Variants in IGFL2 observed in about 807,000 individuals in gnomAD.
The protein encoded by IGFL2 is insulin growth factor-like family member 2.
A neutral mutation model predicts 13.9 loss-of-function variants in IGFL2; 7 were observed. The observed-to-expected ratio is 0.51, with a 90% confidence interval of 0.29 to 0.95. The LOEUF is 0.95. Ranked by LOEUF, IGFL2 falls within the 40% of genes least tolerant of loss-of-function variation. The pLI is 0.08. For synonymous variants in IGFL2, 55 were observed against 55.8 expected, an observed-to-expected ratio of 0.99 and a Z score of 0.07; for missense variants, 138 against 147.8, an observed-to-expected ratio of 0.93 and a Z score of 0.34.
At chr19:46,100,481 A>G in the IGFL2 span, among the ~76,000 whole-genome samples, 1 of 152,210 alleles carries the variant, frequency 6.6e-6, no homozygotes, top group Non-Finnish European at 1.5e-5. Flanking sequence ...TTTACATACA[A>G]GGACATAAAA....
the IGFL2 span, chr19:46,204,976 G>A: frequency 1.3e-5 from 2 of 150,016 alleles, no homozygotes; most frequent in Non-Finnish European, 3.0e-5. Flanking sequence ...TAGTATAGAC[G>A]GGATTTTGCC....
the IGFL2 span, among the ~76,000 whole-genome samples, chr19:46,132,215 C>T: frequency 6.6e-6 from 1 of 152,128 alleles, no homozygotes. Context: ...TTTGGGTTCT[C>T]TTTTTCTGAG....
chr19:46,212,866 T>C, the IGFL2 span: 1 of 152,146 alleles, frequency 6.6e-6, no homozygotes, highest in South Asian at 2.1e-4. Flanking sequence ...TAAATGACCA[T>C]TAATGAAACA....
At chr19:46,188,986 C>A in the IGFL2 span, among the ~76,000 whole-genome samples, 2 of 151,922 alleles carry the variant, frequency 1.3e-5, no homozygotes, top group Admixed American at 1.3e-4. Flanking sequence ...TCCCCATGTG[C>A]GGAGACGAGA....
chr19:46,137,801 G>T, the IGFL2 span, among the ~76,000 whole-genome samples: 1 of 152,176 alleles, frequency 6.6e-6, no homozygotes, highest in East Asian at 1.9e-4. Flanking sequence ...CCTCAGCTTG[G>T]TCTATTCTGT....
the IGFL2 span, among the ~76,000 whole-genome samples, chr19:46,087,767 G>T: frequency 6.6e-6 from 1 of 152,230 alleles, no homozygotes; most frequent in Non-Finnish European, 1.5e-5. Context: ...GGAAAGGGTT[G>T]CTGTCATCAG....
upstream of IGFL2, among the ~76,000 whole-genome samples, chr19:46,141,553 C>A (rs2146804244): frequency 6.6e-6 from 1 of 152,278 alleles, no homozygotes; most frequent in African/African-American, 2.4e-5. Context: ...CCCTCTAGCA[C>A]CTTCTCCACC....
the IGFL2 span, among the ~76,000 whole-genome samples, chr19:46,177,583 A>T: frequency 4.6e-5 from 7 of 152,152 alleles, no homozygotes; most frequent in Admixed American, 1.3e-4. Flanking sequence ...ACTCTTGGGG[A>T]CATGGTCCAA....
At chr19:46,148,544 G>A (rs907181124) in intron 1 of IGFL2, among the ~76,000 whole-genome samples, 5 of 152,126 alleles carry the variant, frequency 3.3e-5, no homozygotes, top group Non-Finnish European at 5.9e-5. Flanking sequence ...TGCACACAGA[G>A]TCAGTCCCAA....
the IGFL2 span, among the ~76,000 whole-genome samples, chr19:46,096,196 T>G: frequency 2.0e-5 from 3 of 152,206 alleles, no homozygotes; most frequent in Non-Finnish European, 4.4e-5. Flanking sequence ...CTGATTTCCT[T>G]GAGCAGTGGT....
the IGFL2 span, among the ~76,000 whole-genome samples, chr19:46,081,985 C>G: frequency 5.3e-5 from 8 of 152,226 alleles, no homozygotes; most frequent in Non-Finnish European, 1.2e-4. Context: ...TTTCAGTTAA[C>G]ACCATCATGG....
At chr19:46,200,476 T>TTTCTTTTCTTTTCTC in the IGFL2 span, among the ~76,000 whole-genome samples, 1 of 135,578 alleles carries the variant, frequency 7.4e-6, no homozygotes, top group Non-Finnish European at 1.6e-5. Flanking sequence ...ACCTGGCCCT[T>TTTCTTTTCTTTTCTC]TTCTTTTCTT....
chr19:46,098,693 G>A, the IGFL2 span, among the ~76,000 whole-genome samples: 4 of 152,050 alleles, frequency 2.6e-5, no homozygotes, highest in Non-Finnish European at 4.4e-5. Flanking sequence ...TGGTCAGGCT[G>A]GTCTCGAACT....
chr19:46,118,003 C>G, the IGFL2 span, among the ~76,000 whole-genome samples: 1 of 152,136 alleles, frequency 6.6e-6, no homozygotes, highest in African/African-American at 2.4e-5. Context: ...GGCTAATAAT[C>G]TACTGTTGAT....
At position 46,148,276 on chromosome 19, in the gene IGFL2, T is replaced by C; in HGVS notation, c.-3T>C. The C allele has an allele frequency of 1.3e-6, 2 of 1,551,524 alleles. No individual in the cohort carries two copies. The highest frequency in any genetic ancestry group is 8.7e-7 in the Non-Finnish European group (1 of 1,146,862). ...GCTGTCCCATCAGCTGCTCTGAAGC[T>C]CCATGGTGCCCAGAATCTTCGGTAA... On this transcript the variant is annotated 5_prime_UTR_variant, in exon 1 of 4. Coordinates refer to ENST00000377693, the MANE Select transcript of IGFL2 (RefSeq NM_001135113.2).
chr19:46,127,972 C>T, the IGFL2 span, among the ~76,000 whole-genome samples: 1 of 151,918 alleles, frequency 6.6e-6, no homozygotes, highest in Non-Finnish European at 1.5e-5. Context: ...GAATGTTTTC[C>T]CACTTTTTTG....
the IGFL2 span, among the ~76,000 whole-genome samples, chr19:46,098,685 G>A: frequency 2.0e-5 from 3 of 151,978 alleles, no homozygotes; most frequent in Admixed American, 2.0e-4. Flanking sequence ...CACCATATTG[G>A]TCAGGCTGGT....
At chr19:46,194,846 ATATATATTTTTTTTTTTTT>A in the IGFL2 span, among the ~76,000 whole-genome samples, 42 of 34,922 alleles carry the variant, frequency 1.2e-3, no homozygotes, top group African/African-American at 3.2e-3. Flanking sequence ...ATATATATAT[ATATATATTTTTTTTTTTTT>A]TTTTTTTTTT....
At chr19:46,104,335 G>A in the IGFL2 span, among the ~76,000 whole-genome samples, 1 of 152,314 alleles carries the variant, frequency 6.6e-6, no homozygotes. Flanking sequence ...GGTGAGGTGT[G>A]TCTTTAAAAG....
Sources: allele counts gnomAD v4.1 joint callset (sites outside exome capture counted in the v4.1 genomes callset), GRCh38; gene constraint gnomAD v4.1.1; transcripts MANE v1.5; gene names NCBI Gene and HGNC (gene_info 2026-07-23, HGNC 2026-07-21).